Variants in LDHC observed in about 807,000 individuals in gnomAD.
The protein encoded by LDHC is lactate dehydrogenase C, also known as L-lactate dehydrogenase C chain.
Under a neutral mutation model 30.2 loss-of-function variants are expected in LDHC, and 20 were observed. That is an observed-to-expected ratio of 0.66 (90% CI 0.47 to 0.96). The LOEUF is 0.96. Among genes scored for constraint, LDHC ranks in the 40% least tolerant of loss-of-function variants. The probability of loss-of-function intolerance (pLI) is 0.00; values close to 1 mark genes in which losing one functional copy is unlikely to be tolerated. For synonymous variants in LDHC, 139 were observed against 132.7 expected (o/e 1.05, Z -0.32); for missense variants, 362 against 394.9 (o/e 0.92, Z 0.71).
At chr11:18,427,811 G>A (rs1316294621) in intron 3 of LDHC, among the ~76,000 whole-genome samples, 1 of 151,798 alleles carries the variant, frequency 6.6e-6, no homozygotes, top group Non-Finnish European at 1.5e-5. Flanking sequence ...CTGAGTAACT[G>A]GGATTACAGC....
At chr11:18,439,830 A>AAC (rs1554964776) in intron 6 of LDHC, among the ~76,000 whole-genome samples, 10 of 115,800 alleles carry the variant, frequency 8.6e-5, no homozygotes, top group South Asian at 8.1e-4. Flanking sequence ...AAAAAAAAAA[A>AAC]AAAAAACAAA....
chr11:18,428,166 CTTTTTTTT>C (rs35861956), intron 3 of LDHC, among the ~76,000 whole-genome samples: 29 of 94,842 alleles, frequency 3.1e-4, no homozygotes, highest in African/African-American at 1.1e-3. Flanking sequence ...CTTTCTCTCT[CTTTTTTTT>C]TTTTTTTTTT....
intron 6 of LDHC, among the ~76,000 whole-genome samples, chr11:18,440,306 C>T (rs907951994): frequency 1.3e-5 from 2 of 151,924 alleles, no homozygotes; most frequent in African/African-American, 4.8e-5. Flanking sequence ...GAGCAAGACT[C>T]TGTTTCAAAG....
At chr11:18,445,021 C>T (rs1392864786) in intron 6 of LDHC, among the ~76,000 whole-genome samples, 1 of 152,022 alleles carries the variant, frequency 6.6e-6, no homozygotes, top group Admixed American at 6.6e-5. Flanking sequence ...ATATTTTTTA[C>T]AAGCCAGAGA....
rs145193377 is a variant in LDHC at position 18,424,940 on chromosome 11, G to A, written c.245-4797G>A. ...GGAGAATCGCTTGAACCTGGGAGGCGGAAGTTGCAGTCAGCTGAGATCGTG... is the reference window on the plus strand; with the variant it reads ...GGAGAATCGCTTGAACCTGGGAGGCAGAAGTTGCAGTCAGCTGAGATCGTG... On this transcript the variant is annotated intron_variant, in intron 3 of 7. Coordinates refer to ENST00000541669, the MANE Select transcript of LDHC (RefSeq NM_017448.5). 3.7e-3 allele frequency among the ~76,000 whole-genome samples: 556 copies of A among 152,246 alleles called. 8 individuals are homozygous for A. Among genetic ancestry groups the A allele is most frequent in the African/African-American group, 0.013 (538 of 41,564 alleles).
At chr11:18,449,543 A>G (rs1257952380) in intron 7 of LDHC, among the ~76,000 whole-genome samples, 2 of 151,798 alleles carry the variant, frequency 1.3e-5, no homozygotes, top group Non-Finnish European at 2.9e-5. Flanking sequence ...ACAGTCTGAA[A>G]AGACAGTGGC....
chr11:18,436,488 T>TG (rs1389893955), intron 5 of LDHC, among the ~76,000 whole-genome samples: 1 of 146,060 alleles, frequency 6.8e-6, no homozygotes, highest in Non-Finnish European at 1.5e-5. Flanking sequence ...AAAGTTTTTT[T>TG]TTTTTTTTTT....
intron 2 of LDHC, 85 bp from the exon 3 acceptor site, chr11:18,415,095 TTTAA>T (rs1240730973): frequency 5.9e-6 from 4 of 678,350 alleles, no homozygotes; most frequent in African/African-American, 5.5e-5. Context: ...ATGAGATTCC[TTTAA>T]TTATCAAGTA....
At chr11:18,434,938 C>A (rs765184584) in intron 5 of LDHC, 25 bp downstream of exon 5, 2 of 1,494,078 alleles carry the variant, frequency 1.3e-6, no homozygotes, top group Middle Eastern at 1.7e-4. Context: ...ATTATTATTA[C>A]GTGACTACCC....
At chr11:18,430,592 G>A (rs1565051689) in intron 4 of LDHC, among the ~76,000 whole-genome samples, 2 of 152,224 alleles carry the variant, frequency 1.3e-5, no homozygotes, top group Admixed American at 6.5e-5. Flanking sequence ...GAACTCCTAA[G>A]CTCAGGCAGT....
At chr11:18,424,962 C>T (rs112875798) in intron 3 of LDHC, among the ~76,000 whole-genome samples, 22,754 of 152,154 alleles carry the variant, frequency 0.15, 1,885 homozygotes, top group African/African-American at 0.21. Flanking sequence ...CAGCTGAGAT[C>T]GTGCCACTGT....
chr11:18,442,724 G>T (rs983694610), intron 6 of LDHC, among the ~76,000 whole-genome samples: 4 of 149,922 alleles, frequency 2.7e-5, no homozygotes, highest in African/African-American at 9.8e-5. Context: ...GTGCAGTGGG[G>T]CAATTTTGGC....
Position 18,444,279 on chromosome 11 carries a change from T to A in LDHC, c.711-1931T>A, listed in dbSNP as rs192389620. Among the ~76,000 whole-genome samples the A allele has an allele frequency of 2.6e-5, 4 of 152,242 alleles. No individual in the cohort carries two copies. The East Asian group carries it at 7.7e-4, about 29-fold the overall frequency. On this transcript the variant is annotated intron_variant, in intron 6 of 7. Transcript: ENST00000541669. ...TAGCTATTCTCAACTTTCTTCTGTT[T>A]CTCAATCTATTTTATTAATACCTGA...
rs191248232 is a variant in LDHC at position 18,414,898 on chromosome 11, C to T, written c.127-286C>T. Among the ~76,000 whole-genome samples, 499 of 151,854 alleles carry T rather than the reference C, an allele frequency of 3.3e-3. 5 individuals carry two copies. Among genetic ancestry groups the T allele is most frequent in the African/African-American group, 0.012 (483 of 41,424 alleles). On this transcript the variant is annotated intron_variant, in intron 2 of 7. Transcript: ENST00000541669. ...AAAGCCTTTGAAATCATTTTATTTT[C>T]CTTGGTTTCAAACTGTTATCTGAAT...
chr11:18,429,531 G>A (rs1848227500), intron 3 of LDHC, among the ~76,000 whole-genome samples: 1 of 152,084 alleles, frequency 6.6e-6, no homozygotes, highest in South Asian at 2.1e-4. Flanking sequence ...TTTTGAGGTA[G>A]CTATGTGAAA....
chr11:18,426,111 G>A (rs1029010524), intron 3 of LDHC, among the ~76,000 whole-genome samples: 1 of 151,680 alleles, frequency 6.6e-6, no homozygotes, highest in African/African-American at 2.4e-5. Context: ...TAACTCCTGG[G>A]TTCAAGTGAC....
rs1025090910 is a variant in LDHC, at chr11:18,417,969, T to G, written c.244+2668T>G. On this transcript the variant is annotated intron_variant, in intron 3 of 7. Coordinates refer to ENST00000541669, the MANE Select transcript of LDHC (RefSeq NM_017448.5). Reference sequence around the variant, plus strand: ...GGATTGCTTGAGTTCAAGGTTGCAGTGAGCTATGATTGTATCACTGCACTC... The same window carrying G: ...GGATTGCTTGAGTTCAAGGTTGCAGGGAGCTATGATTGTATCACTGCACTC... Among the ~76,000 whole-genome samples the G allele has an allele frequency of 1.5e-4, 23 of 152,110 alleles. 1 individual carries two copies. Among genetic ancestry groups the G allele is most frequent in the African/African-American group, 4.8e-4 (20 of 41,492 alleles).
chr11:18,430,351 C>T (rs1440947539), intron 4 of LDHC, among the ~76,000 whole-genome samples: 1 of 152,090 alleles, frequency 6.6e-6, no homozygotes, highest in Non-Finnish European at 1.5e-5. Context: ...TGGGGTCTCA[C>T]TCTGAGATGG....
intron 7 of LDHC, chr11:18,450,406 T>C (rs1409084887): frequency 1.3e-5 from 2 of 153,222 alleles, no homozygotes; most frequent in African/African-American, 4.8e-5. Context: ...GTGCATTCCA[T>C]TGCAGCTGGT....
Sources: gnomAD v4.1 joint callset for allele counts (sites outside exome capture counted in the v4.1 genomes callset) on GRCh38, gnomAD v4.1.1 for gene constraint, MANE v1.5 for transcripts, NCBI Gene and HGNC (gene_info 2026-07-23, HGNC 2026-07-21) for gene names.